The following SEMA6D variants were observed in gnomAD, a reference collection of about 807,000 sequenced individuals.
SEMA6D encodes semaphorin 6D, also known as semaphorin-6D.
Under a neutral mutation model 106.6 loss-of-function variants are expected in SEMA6D, and 35 were observed. The ratio of observed to expected loss-of-function variants is 0.33; its 90% CI spans 0.25 to 0.44. SEMA6D has a LOEUF of 0.44. Ranked by LOEUF, SEMA6D falls within the 20% of genes least tolerant of loss-of-function variation. SEMA6D has a pLI of 1.00. For missense variants in SEMA6D, 1,185 were observed against 1,345.9 expected (o/e 0.88, Z 1.87); for synonymous variants, 499 against 487.7 (o/e 1.02, Z -0.31).
At chr15:47,220,851 T>G (rs2031130773) in intron 1 of SEMA6D, among the ~76,000 whole-genome samples, 1 of 152,246 alleles carries the variant, frequency 6.6e-6, no homozygotes, top group African/African-American at 2.4e-5. Context: ...TACAGAAGAT[T>G]AATCCTCTTT....
intron 1 of SEMA6D, among the ~76,000 whole-genome samples, chr15:47,261,918 A>G (rs79008837): frequency 4.4e-4 from 67 of 152,076 alleles, no homozygotes; most frequent in Middle Eastern, 3.4e-3. Context: ...TTGTTTTTCT[A>G]TTTATCAGGT....
chr15:47,705,075 C>G (rs529916545), intron 4 of SEMA6D, among the ~76,000 whole-genome samples: 26 of 152,206 alleles, frequency 1.7e-4, no homozygotes, highest in Non-Finnish European at 3.8e-4. Context: ...CCTAAGCACT[C>G]GGGATAAATA....
At chr15:47,340,056 T>G (rs918254940) in intron 1 of SEMA6D, among the ~76,000 whole-genome samples, 1 of 152,070 alleles carries the variant, frequency 6.6e-6, no homozygotes, top group African/African-American at 2.4e-5. Flanking sequence ...GCTAACCAAG[T>G]GGTTATCTGC....
intron 1 of SEMA6D, among the ~76,000 whole-genome samples, chr15:47,738,837 G>A (rs2080611904): frequency 6.6e-6 from 1 of 152,180 alleles, no homozygotes; most frequent in Admixed American, 6.5e-5. Flanking sequence ...ATCAACTGGG[G>A]TGGCTCTAGT....
At chr15:47,658,047 A>G (rs2145126255) in intron 4 of SEMA6D, among the ~76,000 whole-genome samples, 1 of 152,056 alleles carries the variant, frequency 6.6e-6, no homozygotes, top group South Asian at 2.1e-4. Flanking sequence ...GCAGGGCTTC[A>G]TTTCTTTACC....
At chr15:47,531,984 C>T (rs1371827899) in intron 3 of SEMA6D, among the ~76,000 whole-genome samples, 2 of 152,148 alleles carry the variant, frequency 1.3e-5, no homozygotes, top group East Asian at 1.9e-4. Flanking sequence ...CAGTCTAATA[C>T]AATGGCACCT....
intron 4 of SEMA6D, among the ~76,000 whole-genome samples, chr15:47,609,471 G>T (rs926009326): frequency 1.3e-5 from 2 of 152,090 alleles, no homozygotes; most frequent in African/African-American, 4.8e-5. Context: ...AGTTTTTTCT[G>T]CCTATTTAGG....
intron 3 of SEMA6D, among the ~76,000 whole-genome samples, chr15:47,542,724 G>C (rs2045395610): frequency 6.6e-6 from 1 of 152,072 alleles, no homozygotes; most frequent in Admixed American, 6.6e-5. Flanking sequence ...ATACTATATA[G>C]AATATGCCAG....
At chr15:47,269,721 C>T (rs1330991027) in intron 1 of SEMA6D, among the ~76,000 whole-genome samples, 3 of 152,002 alleles carry the variant, frequency 2.0e-5, no homozygotes, top group Non-Finnish European at 2.9e-5. Flanking sequence ...ATAGATGACA[C>T]GAGATACTTC....
At chr15:47,351,039 C>T (rs117401545) in intron 1 of SEMA6D, among the ~76,000 whole-genome samples, 6,074 of 152,240 alleles carry the variant, frequency 0.04, 198 homozygotes, top group South Asian at 0.12. Context: ...CCTGACTCTT[C>T]ATTAAATACC....
At chr15:47,269,362 C>A (rs1413820887) in intron 1 of SEMA6D, among the ~76,000 whole-genome samples, 7 of 149,568 alleles carry the variant, frequency 4.7e-5, no homozygotes, top group Non-Finnish European at 7.4e-5. Flanking sequence ...CAATGTAGCT[C>A]ATTAAAAAAA....
intron 1 of SEMA6D, among the ~76,000 whole-genome samples, chr15:47,746,299 TA>T (rs1392872639): frequency 6.6e-6 from 1 of 152,216 alleles, no homozygotes; most frequent in Non-Finnish European, 1.5e-5. Context: ...GTGAGCCTTT[TA>T]AAATAGAGTG....
intron 1 of SEMA6D, among the ~76,000 whole-genome samples, chr15:47,309,931 T>C (rs1795138099): frequency 1.3e-5 from 2 of 152,178 alleles, no homozygotes; most frequent in Admixed American, 1.3e-4. Flanking sequence ...AGTTGAACCA[T>C]TGTTAAGTTG....
At chr15:47,661,643 CTGTT>C (rs1418864160) in intron 4 of SEMA6D, among the ~76,000 whole-genome samples, 1 of 152,194 alleles carries the variant, frequency 6.6e-6, no homozygotes, top group African/African-American at 2.4e-5. Context: ...GAAGGTAAGA[CTGTT>C]TGTGCGTCCA....
intron 4 of SEMA6D, among the ~76,000 whole-genome samples, chr15:47,685,752 A>G (rs951171191): frequency 1.3e-5 from 2 of 152,164 alleles, no homozygotes; most frequent in African/African-American, 4.8e-5. Context: ...AGACAGGTTG[A>G]ATCCCGGGTA....
intron 2 of SEMA6D, among the ~76,000 whole-genome samples, chr15:47,438,778 T>G (rs1410393240): frequency 6.6e-6 from 1 of 151,838 alleles, no homozygotes; most frequent in Non-Finnish European, 1.5e-5. Flanking sequence ...TCTCCTTCAT[T>G]TTATTTATTA....
chr15:47,451,968 G>T (rs966855592), intron 2 of SEMA6D, among the ~76,000 whole-genome samples: 1 of 151,940 alleles, frequency 6.6e-6, no homozygotes, highest in East Asian at 1.9e-4. Context: ...TTGAATTGCT[G>T]TTCACTCCAG....
intron 2 of SEMA6D, among the ~76,000 whole-genome samples, chr15:47,458,997 G>T (rs944590668): frequency 6.6e-6 from 1 of 152,002 alleles, no homozygotes; most frequent in Non-Finnish European, 1.5e-5. Context: ...ACCCTTGAGC[G>T]TGAATGGGAC....
intron 3 of SEMA6D, among the ~76,000 whole-genome samples, chr15:47,509,746 CAGTGGTTCTCAA>C (rs1490715348): frequency 6.6e-6 from 1 of 152,124 alleles, no homozygotes; most frequent in Non-Finnish European, 1.5e-5. Context: ...GTCGCTAGTC[CAGTGGTTCTCAA>C]AGTATTGCCC....
Sources: allele counts gnomAD v4.1 joint callset (sites outside exome capture counted in the v4.1 genomes callset), GRCh38; gene constraint gnomAD v4.1.1; transcripts MANE v1.5; gene names NCBI Gene and HGNC (gene_info 2026-07-23, HGNC 2026-07-21).